The following FHIT variants were observed in gnomAD, a reference collection of about 807,000 sequenced individuals.
FHIT encodes fragile histidine triad diadenosine triphosphatase, also known as bis(5'-adenosyl)-triphosphatase.
In FHIT, 19 loss-of-function variants were observed where a neutral mutation model predicts 17.9. The observed-to-expected ratio is 1.06, with a 90% CI of 0.74 to 1.56. The LOEUF (loss-of-function observed/expected upper bound fraction) is 1.56, where lower values mean the gene tolerates loss of function less well. Among genes scored for constraint, FHIT ranks in the 40% most tolerant of loss-of-function variants. The probability of loss-of-function intolerance (pLI) is 0.00; values close to 1 mark genes in which losing one functional copy is unlikely to be tolerated. For missense variants in FHIT, 248 were observed against 189.2 expected (o/e 1.31, Z -1.82); for synonymous variants, 81 against 69.7 (o/e 1.16, Z -0.81).
chr3:60,763,517 G>A (rs1329063783), intron 4 of FHIT, among the ~76,000 whole-genome samples: 1 of 152,146 alleles, frequency 6.6e-6, no homozygotes, highest in African/African-American at 2.4e-5. Context: ...CTATTTTGGT[G>A]CCCATTTGGC....
At chr3:60,916,553 C>T (rs1553767133) in intron 3 of FHIT, among the ~76,000 whole-genome samples, 1 of 152,180 alleles carries the variant, frequency 6.6e-6, no homozygotes, top group Non-Finnish European at 1.5e-5. Context: ...TTTCATTACC[C>T]ACTGCATCAC....
intron 5 of FHIT, among the ~76,000 whole-genome samples, chr3:60,138,938 C>A (rs1699924383): frequency 6.6e-6 from 1 of 152,112 alleles, no homozygotes; most frequent in Non-Finnish European, 1.5e-5. Context: ...ACACTAGCAA[C>A]AAAATAAACG....
intron 5 of FHIT, among the ~76,000 whole-genome samples, chr3:60,114,489 C>CTTTTTTTTTTTT (rs1576129465): frequency 2.3e-4 from 14 of 61,596 alleles, no homozygotes; most frequent in South Asian, 8.1e-4. Context: ...AAGAGAAATC[C>CTTTTTTTTTTTT]TTTTTTTTTT....
At chr3:60,186,591 G>C (rs1466066199) in intron 5 of FHIT, among the ~76,000 whole-genome samples, 1 of 152,132 alleles carries the variant, frequency 6.6e-6, no homozygotes, top group Non-Finnish European at 1.5e-5. Context: ...AGTCATAACG[G>C]AGGTGGGCTG....
intron 4 of FHIT, chr3:60,730,425 A>T (rs1224686315): frequency 1.3e-5 from 3 of 234,804 alleles, no homozygotes; most frequent in Non-Finnish European, 2.9e-5. Flanking sequence ...TGTATTTCCC[A>T]CTGGATTCTT....
chr3:59,847,427 G>T (rs1190766787), intron 8 of FHIT, among the ~76,000 whole-genome samples: 2 of 151,688 alleles, frequency 1.3e-5, no homozygotes, highest in Non-Finnish European at 2.9e-5. Flanking sequence ...TTTATTTTTG[G>T]TTTCTTTGCA....
chr3:60,876,402 G>A (rs974148120), intron 3 of FHIT, among the ~76,000 whole-genome samples: 1 of 152,154 alleles, frequency 6.6e-6, no homozygotes, highest in Non-Finnish European at 1.5e-5. Flanking sequence ...ATGTTTTTAA[G>A]TAGTACTGAG....
chr3:60,655,733 C>T lies in FHIT; in HGVS notation c.-17-118754G>A, dbSNP rs529854206. On this transcript the variant is annotated intron_variant, in intron 4 of 9. Coordinates refer to ENST00000492590, the MANE Select transcript of FHIT (RefSeq NM_002012.4). ...ATAAGATGGGAATTGAACAAAAGTC[C>T]CCAAGTGCTAATTGCATATTCTCTC... Among the ~76,000 whole-genome samples, 7 of 152,242 alleles carry T rather than the reference C, an allele frequency of 4.6e-5. No individual in the cohort carries two copies. In the East Asian group the frequency reaches 1.3e-3, roughly 29 times the overall value.
intron 3 of FHIT, among the ~76,000 whole-genome samples, chr3:60,997,809 G>A (rs575171848): frequency 4.6e-5 from 7 of 152,188 alleles, no homozygotes; most frequent in South Asian, 2.1e-4. Flanking sequence ...AACAAAACAC[G>A]CCTTCTCTGG....
At chr3:61,215,453 C>T (rs1274207763) in intron 1 of FHIT, among the ~76,000 whole-genome samples, 2 of 152,178 alleles carry the variant, frequency 1.3e-5, no homozygotes, top group Non-Finnish European at 2.9e-5. Flanking sequence ...TGAAGGACCT[C>T]TTCAAGGAGA....
chr3:60,878,731 C>T (rs1159874519), intron 3 of FHIT, among the ~76,000 whole-genome samples: 4 of 152,034 alleles, frequency 2.6e-5, no homozygotes, highest in Non-Finnish European at 5.9e-5. Flanking sequence ...TGAGTGAGAA[C>T]ACGCGGTGTT....
intron 5 of FHIT, among the ~76,000 whole-genome samples, chr3:60,085,015 CCTT>C (rs1703438453): frequency 1.3e-5 from 2 of 152,240 alleles, no homozygotes; most frequent in South Asian, 4.1e-4. Flanking sequence ...ATGCCAAACA[CCTT>C]CTCTGGAATT....
At chr3:60,496,689 T>C (rs891054507) in intron 5 of FHIT, among the ~76,000 whole-genome samples, 9 of 152,114 alleles carry the variant, frequency 5.9e-5, no homozygotes, top group African/African-American at 1.9e-4. Flanking sequence ...TACAAAGATA[T>C]TGGTTTTACA....
At chr3:59,768,347 C>A (rs899694535) in intron 8 of FHIT, among the ~76,000 whole-genome samples, 3 of 152,192 alleles carry the variant, frequency 2.0e-5, no homozygotes, top group Non-Finnish European at 4.4e-5. Flanking sequence ...CATCTCTCAA[C>A]CCTTTGTCCT....
At chr3:60,614,932 C>A (rs1235294795) in intron 4 of FHIT, among the ~76,000 whole-genome samples, 2 of 146,256 alleles carry the variant, frequency 1.4e-5, no homozygotes, top group African/African-American at 5.0e-5. Flanking sequence ...CAGGTTCAAG[C>A]AATTCTCCTG....
At chr3:59,854,011 CAAAG>C (rs1702049518) in intron 8 of FHIT, among the ~76,000 whole-genome samples, 1 of 151,700 alleles carries the variant, frequency 6.6e-6, no homozygotes, top group South Asian at 2.1e-4. Context: ...AAAAATAAGA[CAAAG>C]AACAGACTTC....
chr3:61,075,172 A>C (rs1274000042), intron 2 of FHIT, among the ~76,000 whole-genome samples: 1 of 152,038 alleles, frequency 6.6e-6, no homozygotes, highest in Admixed American at 6.6e-5. Flanking sequence ...AGATGCCTTC[A>C]CTTCCCAAAG....
At chr3:59,889,821 T>C (rs921170236) in intron 8 of FHIT, among the ~76,000 whole-genome samples, 1 of 152,210 alleles carries the variant, frequency 6.6e-6, no homozygotes, top group Non-Finnish European at 1.5e-5. Context: ...AGTACAGTAA[T>C]AAATGTAAAA....
intron 8 of FHIT, among the ~76,000 whole-genome samples, chr3:59,799,919 G>T (rs564160160): frequency 2.1e-4 from 32 of 152,172 alleles, no homozygotes; most frequent in Non-Finnish European, 4.4e-4. Flanking sequence ...CTCAGATATT[G>T]TGGGAAGAGG....
Sources: allele counts gnomAD v4.1 joint callset (sites outside exome capture counted in the v4.1 genomes callset), GRCh38; gene constraint gnomAD v4.1.1; transcripts MANE v1.5; gene names NCBI Gene and HGNC (gene_info 2026-07-23, HGNC 2026-07-21).